NCOA2: variants seen among roughly 807,000 people sequenced by gnomAD.
NCOA2 encodes class E basic helix-loop-helix protein 75.
A neutral mutation model predicts 145.1 loss-of-function variants in NCOA2; 21 were observed. The observed-to-expected ratio is 0.14, with a 90% CI of 0.10 to 0.21. NCOA2 has a LOEUF of 0.21. Ranked by LOEUF, NCOA2 falls within the 10% of genes least tolerant of loss-of-function variation. NCOA2 has a pLI of 1.00. For missense variants in NCOA2, 1,472 were observed against 1,837.6 expected (o/e 0.80, Z 3.64); for synonymous variants, 619 against 637.5 (o/e 0.97, Z 0.44).
chr8:70,327,516 C>T (rs1435505939), intron 1 of NCOA2, among the ~76,000 whole-genome samples: 1 of 152,030 alleles, frequency 6.6e-6, no homozygotes, highest in Admixed American at 6.6e-5. Context: ...CTCTTCAATC[C>T]ACCTTCTAAA....
intron 12 of NCOA2, among the ~76,000 whole-genome samples, chr8:70,147,129 T>C (rs562400374): frequency 0.022 from 3,190 of 148,356 alleles, 115 homozygotes; most frequent in African/African-American, 0.074. Flanking sequence ...CGCGCGCGCG[T>C]GTGTGTGTGT....
At chr8:70,380,272 A>G (rs1215003197) in intron 1 of NCOA2, among the ~76,000 whole-genome samples, 2 of 152,190 alleles carry the variant, frequency 1.3e-5, no homozygotes, top group African/African-American at 2.4e-5. Context: ...TATGCACTTC[A>G]TAATACTTTT....
chr8:70,127,111 G>A (rs1439153372), intron 18 of NCOA2, 64 bp from the exon 19 acceptor site: 3 of 1,144,944 alleles, frequency 2.6e-6, no homozygotes, highest in East Asian at 2.6e-5. Flanking sequence ...AAAACAAAGT[G>A]AGTATTATAG....
At chr8:70,116,881 G>A (rs1807200627) in intron 22 of NCOA2, among the ~76,000 whole-genome samples, 1 of 152,222 alleles carries the variant, frequency 6.6e-6, no homozygotes, top group Non-Finnish European at 1.5e-5. Flanking sequence ...TGGTAACAGA[G>A]AGGTGCTGTG....
intron 12 of NCOA2, among the ~76,000 whole-genome samples, chr8:70,145,746 C>CAG (rs1218960298): frequency 6.6e-6 from 1 of 152,040 alleles, no homozygotes; most frequent in Non-Finnish European, 1.5e-5. Context: ...CCTCTTGCCT[C>CAG]AGCTTTCTGA....
At chr8:70,232,651 G>A (rs1183665701) in intron 2 of NCOA2, among the ~76,000 whole-genome samples, 1 of 151,860 alleles carries the variant, frequency 6.6e-6, no homozygotes, top group African/African-American at 2.4e-5. Context: ...TCCTCACCTT[G>A]GGAGACCCTG....
the NCOA2 span, among the ~76,000 whole-genome samples, chr8:70,446,753 T>C: frequency 6.6e-6 from 1 of 151,448 alleles, no homozygotes; most frequent in South Asian, 2.1e-4. Context: ...TGGTTCTTTC[T>C]TTTTTTTTCC....
At chr8:70,319,572 G>A (rs1437589132) in intron 1 of NCOA2, among the ~76,000 whole-genome samples, 1 of 129,024 alleles carries the variant, frequency 7.8e-6, no homozygotes, top group African/African-American at 3.3e-5. Context: ...ATAAATAAAA[G>A]CTCTATTTAG....
intron 1 of NCOA2, among the ~76,000 whole-genome samples, chr8:70,344,197 A>T (rs748295584): frequency 5.3e-5 from 8 of 152,072 alleles, no homozygotes; most frequent in Non-Finnish European, 8.8e-5. Context: ...GAATCCATCG[A>T]CTCTCTACCT....
In NCOA2 at chr8:70,110,859, G is replaced by A. The variant is rs746531847; in HGVS notation, c.*2773C>T. 6 of 221,622 alleles carry A rather than the reference G, an allele frequency of 2.7e-5. No individual in the cohort carries two copies. The highest frequency in any genetic ancestry group is 5.4e-5 in the Non-Finnish European group (6 of 110,888). The allele number at this position is 221,622 out of a possible 1,614,324, so 13.7% of individuals were successfully genotyped here. A position where few individuals can be genotyped will look rare whatever the true frequency, so the allele number is the denominator to read the frequency against. On this transcript the variant is annotated 3_prime_UTR_variant, in exon 23 of 23. Transcript: ENST00000452400. ...CACTTAAAATGAGTTTTACAACCAA[G>A]TTAATGTATGTATACTTTTCACATT... is the stretch of plus-strand genomic sequence containing the variant.
intron 2 of NCOA2, among the ~76,000 whole-genome samples, chr8:70,295,337 G>A (rs1827014344): frequency 6.6e-6 from 1 of 152,166 alleles, no homozygotes; most frequent in Non-Finnish European, 1.5e-5. Flanking sequence ...GGTTTGCAGC[G>A]ATATAAACTG....
chr8:70,265,249 C>T (rs1415932999), intron 2 of NCOA2, among the ~76,000 whole-genome samples: 1 of 152,162 alleles, frequency 6.6e-6, no homozygotes, highest in Non-Finnish European at 1.5e-5. Context: ...CTCTTTCTTT[C>T]TCTCCCTGCC....
chr8:70,223,690 C>G lies in NCOA2; in HGVS notation c.-19-6926G>C, dbSNP rs561011885. Among the ~76,000 whole-genome samples, 14 of 152,184 alleles carry G rather than the reference C, an allele frequency of 9.2e-5. No homozygotes were observed. In the East Asian group the frequency reaches 2.5e-3, roughly 27 times the overall value. The stretch of plus-strand genomic sequence containing the variant: ...TTTACCTGTATACACTCCTTTAGTT[C>G]CTGTAACAGCCTGATTATCACCATT... On this transcript the variant is annotated intron_variant, in intron 2 of 22. Coordinates refer to ENST00000452400, the MANE Select transcript of NCOA2 (RefSeq NM_006540.4).
the NCOA2 span, among the ~76,000 whole-genome samples, chr8:70,435,424 CAAAAAAAAAAAAAAAAA>C: frequency 5.0e-5 from 1 of 20,152 alleles, no homozygotes; most frequent in Non-Finnish European, 8.3e-5. Flanking sequence ...GACTCCGTCT[CAAAAAAAAAAAAAAAAA>C]AAAAAAAAAA....
the NCOA2 span, among the ~76,000 whole-genome samples, chr8:70,417,402 T>C: frequency 1.3e-5 from 2 of 151,556 alleles, no homozygotes; most frequent in African/African-American, 4.8e-5. Context: ...TACAAAAATT[T>C]GTCAGGCATG....
At chr8:70,282,452 G>A (rs1157837859) in intron 2 of NCOA2, among the ~76,000 whole-genome samples, 2 of 152,098 alleles carry the variant, frequency 1.3e-5, no homozygotes, top group Non-Finnish European at 2.9e-5. Flanking sequence ...TTGGGAGGCC[G>A]AGACAGGTGG....
At chr8:70,365,207 C>T (rs1164737968) in intron 1 of NCOA2, among the ~76,000 whole-genome samples, 1 of 152,102 alleles carries the variant, frequency 6.6e-6, no homozygotes, top group African/African-American at 2.4e-5. Flanking sequence ...GGTAGCACAC[C>T]TGTAGTCTCA....
At chr8:70,162,588 G>A (rs891899441) in intron 9 of NCOA2, 123 bp downstream of exon 9, 4 of 983,106 alleles carry the variant, frequency 4.1e-6, no homozygotes, top group Non-Finnish European at 5.7e-6. Flanking sequence ...CAACACTGGG[G>A]CCAGATGAGA....
intron 1 of NCOA2, among the ~76,000 whole-genome samples, chr8:70,377,140 C>G (rs1811756722): frequency 6.6e-6 from 1 of 151,430 alleles, no homozygotes; most frequent in Admixed American, 6.6e-5. Flanking sequence ...TTTGTAGGAC[C>G]TATTAATCAA....
Sources: allele counts gnomAD v4.1 joint callset (sites outside exome capture counted in the v4.1 genomes callset), GRCh38; gene constraint gnomAD v4.1.1; transcripts MANE v1.5; gene names NCBI Gene and HGNC (gene_info 2026-07-23, HGNC 2026-07-21).